Variants in UBA2 observed in about 807,000 individuals in gnomAD.
UBA2 encodes the protein ubiquitin like modifier activating enzyme 2, also known as SUMO-activating enzyme subunit 2.
A neutral mutation model predicts 77.2 loss-of-function variants in UBA2; 11 were observed. That is an observed-to-expected ratio of 0.14 (90% confidence interval 0.09 to 0.24). The LOEUF is 0.24. Ranked by LOEUF, UBA2 falls within the 10% of genes least tolerant of loss-of-function variation. The probability of loss-of-function intolerance (pLI) is 1.00; values close to 1 mark genes in which losing one functional copy is unlikely to be tolerated. For synonymous variants in UBA2, 278 were observed against 276.7 expected (o/e 1.00, Z -0.05); for missense variants, 487 against 781.7 (o/e 0.62, Z 4.50).
chr19:34,445,511 C>T (rs1450508383), intron 8 of UBA2, among the ~76,000 whole-genome samples: 1 of 146,024 alleles, frequency 6.8e-6, no homozygotes, highest in Admixed American at 7.1e-5. Flanking sequence ...ACGATCTCGG[C>T]TCACTGCAGC....
At chr19:34,458,211 A>C (rs2075589752) in intron 12 of UBA2, among the ~76,000 whole-genome samples, 1 of 152,144 alleles carries the variant, frequency 6.6e-6, no homozygotes, top group Non-Finnish European at 1.5e-5. Context: ...ATATAATACA[A>C]GGAGATGTCT....
In UBA2 at chr19:34,450,567, C is replaced by T. The variant is rs538478814; in HGVS notation, c.871+203C>T. Among the ~76,000 whole-genome samples, 68 of 152,000 alleles carry T rather than the reference C, an allele frequency of 4.5e-4. 1 individual carries two copies. Among genetic ancestry groups the T allele is most frequent in the Non-Finnish European group, 3.4e-4 (23 of 67,966 alleles). On this transcript the variant is annotated intron_variant, in intron 9 of 16. Coordinates refer to ENST00000246548, the MANE Select transcript of UBA2 (RefSeq NM_005499.3). ...TTTTCAGGAGTGTTCTGGTGGTCCG[C>T]CCTATGTACACAGATGCAGGCATTC...
Position 34,469,127 on chromosome 19 carries a change from G to A in UBA2, c.1829G>A (p.Arg610His), listed in dbSNP as rs575391206. 1.9e-5 allele frequency: 30 copies of A among 1,613,502 alleles called. No homozygotes were observed. The highest frequency in any genetic ancestry group is 8.9e-5 in the East Asian group (4 of 44,846). Residue 610 changes from arginine (R) to histidine (H), a missense_variant, in exon 17 of 17, where the codon CGC (arginine) becomes CAC (histidine). Arg to His is a conservative substitution (Grantham distance 29). Coordinates refer to ENST00000246548, the MANE Select transcript of UBA2 (RefSeq NM_005499.3). ...NADVSEEERSRKRKLDEKENL... is the reference protein window; with the variant it reads ...NADVSEEERSHKRKLDEKENL... ...GACGTCAGTGAAGAAGAGAGAAGCC[G>A]CAAGAGGAAATTAGATGAGAAAGAG...
chr19:34,446,161 G>C (rs1467214416), intron 8 of UBA2, among the ~76,000 whole-genome samples: 15 of 152,080 alleles, frequency 9.9e-5, no homozygotes, highest in South Asian at 6.2e-4. Flanking sequence ...TTACAGGCAT[G>C]AACCACTGAG....
intron 5 of UBA2, among the ~76,000 whole-genome samples, chr19:34,436,811 G>T (rs2075314008): frequency 6.6e-6 from 1 of 151,954 alleles, no homozygotes; most frequent in Non-Finnish European, 1.5e-5. Flanking sequence ...TTGTGTCTTT[G>T]TTTCTTTTAA....
chr19:34,450,824 C>T (rs1362041118), intron 9 of UBA2, among the ~76,000 whole-genome samples: 1 of 148,462 alleles, frequency 6.7e-6, no homozygotes, highest in African/African-American at 2.5e-5. Flanking sequence ...TCTCAGCTCA[C>T]CGCAACCTGG....
Position 34,470,281 on chromosome 19 carries a change from ACT to A in UBA2, c.*1061_*1062del, listed in dbSNP as rs1251572312. On this transcript the variant is annotated 3_prime_UTR_variant, in exon 17 of 17. Coordinates refer to ENST00000246548, the MANE Select transcript of UBA2 (RefSeq NM_005499.3). ...CTCAAAAAAGGTTCAGAAGATCTCCACTGTTTGCCAAAGACGAGTACTTTCTT... is the reference window on the plus strand; with the variant it reads ...CTCAAAAAAGGTTCAGAAGATCTCCAGTTTGCCAAAGACGAGTACTTTCTT... The A allele has an allele frequency of 3.9e-5, 6 of 152,158 alleles. No homozygotes were observed. The highest frequency in any genetic ancestry group is 1.5e-5 in the Non-Finnish European group (1 of 68,056). The allele number at this position is 152,158 out of a possible 1,614,324, so 9.4% of individuals were successfully genotyped here.
intron 8 of UBA2, among the ~76,000 whole-genome samples, chr19:34,448,825 T>A (rs2075460184): frequency 1.3e-5 from 2 of 152,110 alleles, no homozygotes; most frequent in Admixed American, 1.3e-4. Flanking sequence ...GAGGACAGAA[T>A]GAAAAGATGG....
In UBA2 at chr19:34,458,558, CAAAAAAAAAAAAAAAAAAAAA is replaced by C. The variant is rs60349858; in HGVS notation, c.1246-197_1246-177del. On this transcript the variant is annotated intron_variant, in intron 12 of 16. Transcript: ENST00000246548. Reference sequence around the variant, plus strand: ...CCTGGGCGACAGCAAGACTCCGTCTCAAAAAAAAAAAAAAAAAAAAAAAAAAAAAAAAAAGAAGGTTGAAAA... The same window carrying C: ...CCTGGGCGACAGCAAGACTCCGTCTCAAAAAAAAAAAAAGAAGGTTGAAAA... 2.1e-4 allele frequency among the ~76,000 whole-genome samples: 13 copies of C among 60,616 alleles called. 1 individual carries two copies. The highest frequency in any genetic ancestry group is 7.8e-4 in the African/African-American group (10 of 12,752). The allele number at this position is 60,616 out of a possible 152,430, so 39.8% of individuals were successfully genotyped here.
intron 1 of UBA2, 35 bp from the exon 2 acceptor site, chr19:34,430,541 C>T (rs193249308): frequency 5.2e-6 from 8 of 1,529,818 alleles, no homozygotes; most frequent in African/African-American, 2.7e-5. Flanking sequence ...CATACGTAAA[C>T]GTTTGTCATT....
intron 12 of UBA2, among the ~76,000 whole-genome samples, chr19:34,457,144 C>T (rs1448042606): frequency 4.5e-5 from 5 of 110,586 alleles, no homozygotes; most frequent in African/African-American, 1.1e-4. Context: ...GCCTGACTAA[C>T]GTGGAGAAAC....
chr19:34,435,690 T>C (rs1249665873), intron 5 of UBA2, among the ~76,000 whole-genome samples: 1 of 151,456 alleles, frequency 6.6e-6, no homozygotes, highest in East Asian at 1.9e-4. Flanking sequence ...ATTAGCTGGG[T>C]GTGGAGGCGT....
At chr19:34,434,743 C>T in intron 4 of UBA2, 125 bp from the exon 5 acceptor site, 1 of 688,148 alleles carries the variant, frequency 1.5e-6, no homozygotes, top group Non-Finnish European at 2.5e-6. Context: ...ATTATTCTGG[C>T]CATAGCTATA....
rs2075694704 is a variant in UBA2, at chr19:34,466,957, G to T, written c.1684G>T (p.Ala562Ser). The change falls in exon 16 of 17, where the codon GCT becomes TCT. Residue 562 changes from alanine (A) to serine (S), a missense_variant. Around this residue, in one of 9 missense-constraint regions of UBA2, gnomAD observed 300 missense variants for 454.3 expected, o/e 0.66. Transcript: ENST00000246548. Reference sequence around the variant, plus strand: ...AGTGGGGCCCAAACAAGCTGAAGATGCTGCCAAAAGCATAACCAATGGCAG... The same window carrying T: ...AGTGGGGCCCAAACAAGCTGAAGATTCTGCCAAAAGCATAACCAATGGCAG... ...EKVGPKQAED[A>S]AKSITNGSDD... The T allele has an allele frequency of 6.2e-7, 1 of 1,613,968 alleles. No homozygotes were observed. Among genetic ancestry groups the T allele is most frequent in the African/African-American group, 1.3e-5 (1 of 74,886 alleles).
At chr19:34,451,930 A>C in intron 9 of UBA2, 51 bp from the exon 10 acceptor site, 1 of 1,067,484 alleles carries the variant, frequency 9.4e-7, no homozygotes, top group Non-Finnish European at 1.3e-6. Context: ...AGCACAGTAG[A>C]GGAATGATGT....
At chr19:34,436,551 G>A (rs1054398389) in intron 5 of UBA2, among the ~76,000 whole-genome samples, 4 of 152,120 alleles carry the variant, frequency 2.6e-5, no homozygotes, top group Admixed American at 6.5e-5. Context: ...CACCTGCCTC[G>A]GCCTCCCAAA....
chr19:34,470,350 C>A lies in UBA2; in HGVS notation c.*1129C>A, dbSNP rs1036920032. The stretch of plus-strand genomic sequence containing the variant: ...ACTTCACATGTAGGAAGAGTACTTT[C>A]TAAAATAAAGCTCTTCCTGCGTGTG... On this transcript the variant is annotated 3_prime_UTR_variant, in exon 17 of 17. Transcript: ENST00000246548. 3 of 151,960 alleles carry A rather than the reference C, an allele frequency of 2.0e-5. No homozygotes were observed. Among genetic ancestry groups the A allele is most frequent in the Non-Finnish European group, 4.4e-5 (3 of 67,992 alleles). 9.4% of individuals were successfully genotyped at this position (151,960 alleles called of 1,614,324 possible).
At chr19:34,443,454 T>C (rs2075391937) in intron 6 of UBA2, among the ~76,000 whole-genome samples, 1 of 151,408 alleles carries the variant, frequency 6.6e-6, no homozygotes, top group Non-Finnish European at 1.5e-5. Context: ...TTTTTTTTTT[T>C]TTTTTGAGAC....
At chr19:34,439,530 CTTT>C in intron 6 of UBA2, among the ~76,000 whole-genome samples, 1 of 152,270 alleles carries the variant, frequency 6.6e-6, no homozygotes, top group South Asian at 2.1e-4. Flanking sequence ...ACAGAATACA[CTTT>C]AAGAAATGAG....
Sources: gnomAD v4.1 joint callset for allele counts (sites outside exome capture counted in the v4.1 genomes callset) on GRCh38, gnomAD v4.1.1 for gene constraint, gnomAD v4.1.1 regional missense constraint, MANE v1.5 for transcripts, NCBI Gene and HGNC (gene_info 2026-07-23, HGNC 2026-07-21) for gene names.